The following SEC14L5 variants were observed in gnomAD, a reference collection of about 807,000 sequenced individuals.
SEC14L5 encodes the protein SEC14-like protein 5.
Under a neutral mutation model 84.6 loss-of-function variants are expected in SEC14L5, and 96 were observed. The observed-to-expected ratio is 1.13, with a 90% CI of 0.96 to 1.34. The LOEUF is 1.34. Among genes scored for constraint, SEC14L5 ranks in the 40% most tolerant of loss-of-function variants. SEC14L5 has a pLI of 0.00. For synonymous variants in SEC14L5, 546 were observed against 383.4 expected (o/e 1.42, Z -4.95); for missense variants, 1,224 against 942.5 (o/e 1.30, Z -3.91).
chr16:4,972,571 A>G (rs2908651), intron 2 of SEC14L5, among the ~76,000 whole-genome samples: 150,658 of 152,322 alleles, frequency 0.99, 74,529 homozygotes, highest in East Asian at 1. Context: ...CCTCATAGAA[A>G]AGGAATCATA....
chr16:4,987,123 C>T (rs1181196679), intron 2 of SEC14L5, among the ~76,000 whole-genome samples: 1 of 151,838 alleles, frequency 6.6e-6, no homozygotes, highest in Non-Finnish European at 1.5e-5. Context: ...ACTCATTCAC[C>T]AGGGATGTTA....
chr16:4,975,472 C>CA (rs55786860), intron 2 of SEC14L5, among the ~76,000 whole-genome samples: 23,420 of 77,270 alleles, frequency 0.3, 4,103 homozygotes, highest in Admixed American at 0.33. Flanking sequence ...AACTCCATCT[C>CA]AAAAAAAAAA....
chr16:4,965,145 G>C (rs766295922), intron 2 of SEC14L5, among the ~76,000 whole-genome samples: 2 of 152,144 alleles, frequency 1.3e-5, no homozygotes, highest in African/African-American at 2.4e-5. Flanking sequence ...ACACCTGAGG[G>C]TACAATATTT....
chr16:5,003,702 C>A (rs1955702036), intron 11 of SEC14L5, 129 bp downstream of exon 11: 1 of 642,808 alleles, frequency 1.6e-6, no homozygotes, highest in African/African-American at 1.8e-5. Context: ...ATGAAACTCA[C>A]ATAGCATAAA....
At chr16:4,959,783 T>C (rs1293537404) in intron 2 of SEC14L5, among the ~76,000 whole-genome samples, 1 of 152,178 alleles carries the variant, frequency 6.6e-6, no homozygotes, top group East Asian at 1.9e-4. Flanking sequence ...ACAGATGATG[T>C]TTCTTCCAAT....
rs1044410984 is a variant in SEC14L5 at position 5,016,206 on chromosome 16, T to A, written c.*1236T>A. 2.2e-4 allele frequency: 33 copies of A among 152,268 alleles called. No individual in the cohort carries two copies. The highest frequency in any genetic ancestry group is 7.5e-4 in the African/African-American group (31 of 41,554). 9.4% of individuals were successfully genotyped at this position (152,268 alleles called of 1,614,324 possible). Reference sequence around the variant, plus strand: ...TATGACTCTGGAACTAGGTTCAATATTGACATGAGTTCCCCTAGTTACTAC... The same window carrying A: ...TATGACTCTGGAACTAGGTTCAATAATGACATGAGTTCCCCTAGTTACTAC... On this transcript the variant is annotated 3_prime_UTR_variant, in exon 16 of 16. Transcript: ENST00000251170.
chr16:4,987,480 A>C, intron 2 of SEC14L5, 77 bp from the exon 3 acceptor site: 1 of 1,252,052 alleles, frequency 8.0e-7, no homozygotes, highest in Non-Finnish European at 1.1e-6. Context: ...GTGACACAGC[A>C]GATAAGGAGG....
At chr16:4,998,419 G>C (rs530545080) in intron 8 of SEC14L5, among the ~76,000 whole-genome samples, 3 of 151,836 alleles carry the variant, frequency 2.0e-5, no homozygotes, top group African/African-American at 7.3e-5. Flanking sequence ...CTGTGCCTAC[G>C]ACACTTTCCA....
chr16:5,003,547 C>A lies in SEC14L5; in HGVS notation c.1276C>A (p.Arg426=). The change falls in exon 11 of 16, where the codon CGA becomes AGA. Residue 426 remains arginine (R), a synonymous_variant. Transcript: ENST00000251170. ...LGRLLIVRAP[R]VFPVLWTLIS... ...TCGGCTGCTCATCGTGCGAGCCCCC[C>A]GAGTCTTCCCCGTGCTCTGGACACT... 7.2e-7 allele frequency: 1 copy of A among 1,391,392 alleles called. No individual in the cohort carries two copies. Among genetic ancestry groups the A allele is most frequent in the Non-Finnish European group, 9.5e-7 (1 of 1,047,380 alleles). The allele number at this position is 1,391,392 out of a possible 1,614,324, so 86.2% of individuals were successfully genotyped here.
intron 2 of SEC14L5, among the ~76,000 whole-genome samples, chr16:4,974,837 G>A (rs971951820): frequency 6.6e-6 from 1 of 152,172 alleles, no homozygotes; most frequent in African/African-American, 2.4e-5. Flanking sequence ...GAGTACAGTG[G>A]TGTGATCTCG....
chr16:4,983,321 A>G (rs901397600), intron 2 of SEC14L5, among the ~76,000 whole-genome samples: 24 of 151,586 alleles, frequency 1.6e-4, no homozygotes, highest in African/African-American at 1.2e-4. Context: ...GCATGCCCAT[A>G]TATTTATATA....
chr16:5,009,671 C>T (rs766586444), intron 14 of SEC14L5, among the ~76,000 whole-genome samples: 18 of 152,064 alleles, frequency 1.2e-4, no homozygotes, highest in Admixed American at 4.6e-4. Flanking sequence ...GATAAGGTCA[C>T]GTTCTGAGGT....
intron 2 of SEC14L5, among the ~76,000 whole-genome samples, chr16:4,980,534 T>C (rs1444252160): frequency 6.6e-6 from 1 of 152,106 alleles, no homozygotes; most frequent in Non-Finnish European, 1.5e-5. Context: ...GACACCCTCC[T>C]TGAGGCTCTT....
intron 2 of SEC14L5, among the ~76,000 whole-genome samples, chr16:4,961,652 T>C (rs952863099): frequency 1.3e-5 from 2 of 152,204 alleles, no homozygotes; most frequent in Non-Finnish European, 2.9e-5. Flanking sequence ...CCTTAAGTGC[T>C]ATATTCATGG....
At chr16:4,977,041 G>T in intron 2 of SEC14L5, among the ~76,000 whole-genome samples, 1 of 152,326 alleles carries the variant, frequency 6.6e-6, no homozygotes, top group Admixed American at 6.5e-5. Flanking sequence ...GCCCTGTTTG[G>T]TCTCTGCCAG....
intron 2 of SEC14L5, among the ~76,000 whole-genome samples, chr16:4,963,609 G>A (rs1955156743): frequency 6.6e-6 from 1 of 152,196 alleles, no homozygotes; most frequent in South Asian, 2.1e-4. Flanking sequence ...GCCTCCCAAA[G>A]TGCTGGGATT....
At position 4,987,593 on chromosome 16, in the gene SEC14L5, C is replaced by T; in HGVS notation, c.100C>T (p.Pro34Ser). Residue 34 changes from proline (P) to serine (S), a missense_variant, in exon 3 of 16, where the codon CCA becomes TCA. Physicochemically the swap from Pro to Ser is moderately conservative, Grantham distance 74 (BLOSUM62 -1). Coordinates refer to ENST00000251170, the MANE Select transcript of SEC14L5 (RefSeq NM_014692.2). ...GCGTTTCCCCACGTGCCCACAGATC[C>T]CAGTCTTCCTGGGCAGCGAGGTCTT... ...EKRFPTCPQI[P>S]VFLGSEVLRE... 1.3e-6 allele frequency: 2 copies of T among 1,562,406 alleles called. No homozygotes were observed. The highest frequency in any genetic ancestry group is 1.7e-6 in the Non-Finnish European group (2 of 1,154,358).
intron 14 of SEC14L5, 156 bp from the exon 15 acceptor site, chr16:5,010,939 C>A (rs1162191231): frequency 1.5e-6 from 1 of 662,202 alleles, no homozygotes; most frequent in South Asian, 2.0e-5. Context: ...CTTCCAGAGG[C>A]CCTGACAGGA....
chr16:5,010,988 A>C, intron 14 of SEC14L5, 107 bp from the exon 15 acceptor site: 1 of 1,086,384 alleles, frequency 9.2e-7, no homozygotes, highest in Non-Finnish European at 1.3e-6. Flanking sequence ...CAGAGGGAGA[A>C]GAGCCCCAAT....
Sources: gnomAD v4.1 joint callset for allele counts (sites outside exome capture counted in the v4.1 genomes callset) on GRCh38, gnomAD v4.1.1 for gene constraint, MANE v1.5 for transcripts, NCBI Gene and HGNC (gene_info 2026-07-23, HGNC 2026-07-21) for gene names.